KANSL1L: variants seen among roughly 807,000 people sequenced by gnomAD.
KANSL1L encodes the protein KAT8 regulatory NSL complex subunit 1 like.
A neutral mutation model predicts 108.6 loss-of-function variants in KANSL1L; 25 were observed. The ratio of observed to expected loss-of-function variants is 0.23; its 90% CI spans 0.17 to 0.32. KANSL1L has a LOEUF of 0.32. KANSL1L is among the 10% of genes least tolerant of loss of function. The pLI, the probability that KANSL1L is intolerant of heterozygous loss-of-function variation, is 1.00. For missense variants in KANSL1L, 1,137 were observed against 1,125.7 expected (o/e 1.01, Z -0.14); for synonymous variants, 405 against 395.1 (o/e 1.03, Z -0.30).
At chr2:210,088,152 C>T (rs1356637193) in intron 5 of KANSL1L, 1 of 151,942 alleles carries the variant, frequency 6.6e-6, no homozygotes, top group Non-Finnish European at 1.5e-5. Flanking sequence ...TCTCAGTAAC[C>T]CCTGAGAATG....
rs1322166462 is a variant in KANSL1L at position 210,024,104 on chromosome 2, C to G, written c.2662G>C (p.Gly888Arg). ...AGATCCTGGTTCTCTGAAGGAAGCC[C>G]AGGAGGACTTGCAGCAGCACATTGC... ...SQQCAAASPP[G>R]LPSENQDLCA... Residue 888 changes from glycine to arginine, a missense_variant, in exon 14 of 15, where the codon GGG becomes CGG. Physicochemically the swap from Gly to Arg is moderately radical, Grantham distance 125 (BLOSUM62 -2). Around this residue, in one of 3 missense-constraint regions of KANSL1L, gnomAD observed 575 missense variants for 567.1 expected, o/e 1.01. Transcript: ENST00000281772. The G allele has an allele frequency of 6.2e-7, 1 of 1,609,026 alleles. No homozygotes were observed. Among genetic ancestry groups the G allele is most frequent in the Non-Finnish European group, 8.5e-7 (1 of 1,177,498 alleles).
intron 7 of KANSL1L, among the ~76,000 whole-genome samples, chr2:210,041,279 A>G (rs1428751034): frequency 6.6e-6 from 1 of 152,194 alleles, no homozygotes; most frequent in African/African-American, 2.4e-5. Flanking sequence ...TCATCTTAAA[A>G]AGCATTTATT....
intron 6 of KANSL1L, among the ~76,000 whole-genome samples, chr2:210,047,007 C>T (rs1487320416): frequency 6.6e-6 from 1 of 152,162 alleles, no homozygotes; most frequent in Non-Finnish European, 1.5e-5. Context: ...CAGGTGGCTC[C>T]ATATTTGAAA....
chr2:210,113,167 T>G (rs1313376680), intron 3 of KANSL1L, among the ~76,000 whole-genome samples: 6 of 152,108 alleles, frequency 3.9e-5, no homozygotes, highest in Non-Finnish European at 8.8e-5. Context: ...CCTCCTCCTC[T>G]GGCAGAAGGC....
chr2:210,055,309 C>G (rs1162920775), intron 6 of KANSL1L, among the ~76,000 whole-genome samples: 1 of 152,214 alleles, frequency 6.6e-6, no homozygotes. Context: ...ATAAAAGACC[C>G]AGTCTTGGAT....
intron 6 of KANSL1L, among the ~76,000 whole-genome samples, chr2:210,053,487 C>T (rs2094315449): frequency 6.6e-6 from 1 of 152,066 alleles, no homozygotes; most frequent in African/African-American, 2.4e-5. Flanking sequence ...ATCTCAGCTA[C>T]TTGAGGGGCT....
At chr2:210,058,608 T>C (rs931340049) in intron 6 of KANSL1L, among the ~76,000 whole-genome samples, 5 of 151,950 alleles carry the variant, frequency 3.3e-5, no homozygotes, top group Non-Finnish European at 7.4e-5. Context: ...CTGAGGCAGG[T>C]GGATCACGAG....
At chr2:210,115,538 C>T (rs1042889651) in intron 3 of KANSL1L, among the ~76,000 whole-genome samples, 1 of 152,082 alleles carries the variant, frequency 6.6e-6, no homozygotes, top group African/African-American at 2.4e-5. Context: ...AAAGACATAA[C>T]CCACTGAGAC....
intron 5 of KANSL1L, among the ~76,000 whole-genome samples, chr2:210,084,468 A>G (rs1272053472): frequency 2.6e-5 from 4 of 152,172 alleles, no homozygotes; most frequent in Non-Finnish European, 5.9e-5. Context: ...CTGAAGTGGG[A>G]AATAACTATT....
rs755809619 is a variant in KANSL1L at position 210,165,260 on chromosome 2, CA to C, written c.-30+5888del. Among the ~76,000 whole-genome samples the C allele has an allele frequency of 1.8e-4, 27 of 150,764 alleles. No individual in the cohort carries two copies. In the South Asian group the frequency reaches 1.9e-3, roughly 11 times the overall value. On this transcript the variant is annotated intron_variant, in intron 1 of 14. Coordinates refer to ENST00000281772, the MANE Select transcript of KANSL1L (RefSeq NM_152519.4). ...AAATGTTATGGATGGCAAAACAAAA[CA>C]AAAACCAGTCTGTTATAAAACTGTT...
intron 2 of KANSL1L, among the ~76,000 whole-genome samples, chr2:210,136,717 A>G (rs2095177077): frequency 6.6e-6 from 1 of 152,164 alleles, no homozygotes; most frequent in South Asian, 2.1e-4. Context: ...TGGAAGGAAA[A>G]TCTTTTCCTA....
At chr2:210,091,528 T>C (rs1162593046) in intron 5 of KANSL1L, among the ~76,000 whole-genome samples, 2 of 152,136 alleles carry the variant, frequency 1.3e-5, no homozygotes, top group African/African-American at 4.8e-5. Flanking sequence ...AACAGAGCAT[T>C]AGCACTCAGG....
At position 210,171,254 on chromosome 2, in the gene KANSL1L, C is replaced by T; in HGVS notation, c.-135G>A. The T allele has an allele frequency of 6.4e-6, 1 of 155,094 alleles. No homozygotes were observed. Among genetic ancestry groups the T allele is most frequent in the Non-Finnish European group, 1.4e-5 (1 of 71,514 alleles). 9.6% of individuals were successfully genotyped at this position (155,094 alleles called of 1,614,324 possible). Reference sequence around the variant, plus strand: ...GCCCGCCCGCCTCCCCCACCCGGGGCGCCGCTGACTCGTCTCCAGAGCGCG... The same window carrying T: ...GCCCGCCCGCCTCCCCCACCCGGGGTGCCGCTGACTCGTCTCCAGAGCGCG... On this transcript the variant is annotated 5_prime_UTR_variant, in exon 1 of 15. Transcript: ENST00000281772.
intron 3 of KANSL1L, among the ~76,000 whole-genome samples, chr2:210,110,718 G>T (rs549719936): frequency 2.6e-5 from 4 of 152,070 alleles, no homozygotes; most frequent in Non-Finnish European, 5.9e-5. Context: ...AAATGGAAGA[G>T]AAAAAAATTG....
Position 210,025,311 on chromosome 2 carries a change from C to T in KANSL1L, c.2452-95G>A. 3 of 692,106 alleles carry T rather than the reference C, an allele frequency of 4.3e-6. No homozygotes were observed. The South Asian group carries it at 4.5e-5, about 10-fold the overall frequency. The allele number at this position is 692,106 out of a possible 1,614,324, so 42.9% of individuals were successfully genotyped here. A position where few individuals can be genotyped will look rare whatever the true frequency, so the allele number is the denominator to read the frequency against. On this transcript the variant is annotated intron_variant, in intron 12 of 14. Coordinates refer to ENST00000281772, the MANE Select transcript of KANSL1L (RefSeq NM_152519.4). Reference sequence around the variant, plus strand: ...GTGGCTCACGCCTGTAATCCCAACACTTTGGAAGGCCGAGGTGGGTGGATC... The same window carrying T: ...GTGGCTCACGCCTGTAATCCCAACATTTTGGAAGGCCGAGGTGGGTGGATC...
intron 6 of KANSL1L, among the ~76,000 whole-genome samples, chr2:210,066,944 C>G (rs908116124): frequency 1.3e-5 from 2 of 152,158 alleles, no homozygotes; most frequent in African/African-American, 4.8e-5. Flanking sequence ...GTTTTCCAAA[C>G]AGATTAACAT....
chr2:210,099,961 A>G (rs540839281), intron 4 of KANSL1L, among the ~76,000 whole-genome samples: 2 of 152,214 alleles, frequency 1.3e-5, no homozygotes, highest in Admixed American at 1.3e-4. Context: ...TCATAACAAG[A>G]TTTATAATGT....
intron 6 of KANSL1L, among the ~76,000 whole-genome samples, chr2:210,051,572 A>C (rs2094292730): frequency 6.6e-6 from 1 of 152,198 alleles, no homozygotes; most frequent in Non-Finnish European, 1.5e-5. Context: ...CTTCATGTGA[A>C]AATAATGACA....
chr2:210,065,672 G>A (rs181390078), intron 6 of KANSL1L, among the ~76,000 whole-genome samples: 9 of 138,886 alleles, frequency 6.5e-5, no homozygotes, highest in Admixed American at 4.8e-4. Context: ...GGCAACCTCC[G>A]CCTCCCAGGT....
Sources: gnomAD v4.1 joint callset for allele counts (sites outside exome capture counted in the v4.1 genomes callset) on GRCh38, gnomAD v4.1.1 for gene constraint, gnomAD v4.1.1 regional missense constraint, MANE v1.5 for transcripts, NCBI Gene and HGNC (gene_info 2026-07-23, HGNC 2026-07-21) for gene names.